Variants in HECTD4 observed in about 807,000 individuals in gnomAD.
HECTD4 encodes probable E3 ubiquitin-protein ligase HECTD4.
HECTD4 carries 114 observed loss-of-function variants against 471.5 expected under a neutral mutation model. The ratio of observed to expected loss-of-function variants is 0.24; its 90% confidence interval spans 0.21 to 0.28. The LOEUF is 0.28. Among genes scored for constraint, HECTD4 ranks in the 10% least tolerant of loss-of-function variants. The pLI is 1.00. For synonymous variants in HECTD4, 2,012 were observed against 2,256.0 expected, an observed-to-expected ratio of 0.89 and a Z score of 3.07; for missense variants, 3,866 against 5,651.5, an observed-to-expected ratio of 0.68 and a Z score of 10.13.
intron 35 of HECTD4, 114 bp downstream of exon 35, chr12:112,236,831 C>T: frequency 1.0e-6 from 1 of 998,540 alleles, no homozygotes; most frequent in Non-Finnish European, 1.4e-6. Flanking sequence ...AAGAGTGTGT[C>T]AAAATGGCCT....
intron 1 of HECTD4, among the ~76,000 whole-genome samples, chr12:112,359,512 C>T (rs750399792): frequency 1.2e-4 from 19 of 152,120 alleles, no homozygotes; most frequent in East Asian, 5.8e-4. Context: ...CTCTGCCTCC[C>T]GGATTCAAAT....
At chr12:112,196,984 C>T (rs1360302242) in intron 55 of HECTD4, among the ~76,000 whole-genome samples, 9 of 151,362 alleles carry the variant, frequency 5.9e-5, no homozygotes, top group East Asian at 1.9e-4. Context: ...TTAGTAGAGA[C>T]GGGGCCTTAC....
intron 69 of HECTD4, chr12:112,170,056 A>G (rs886502309): frequency 9.1e-6 from 5 of 549,264 alleles, no homozygotes; most frequent in Admixed American, 3.1e-5. Context: ...TGGAATCCCC[A>G]TTTTTGGCAG....
In HECTD4 at chr12:112,247,563, A is replaced by C. The variant is rs760916338; in HGVS notation, c.4249-13T>G. On this transcript the variant is annotated splice_polypyrimidine_tract_variant and intron_variant, in intron 27 of 75. Coordinates refer to ENST00000682272, the MANE Select transcript of HECTD4 (RefSeq NM_001388303.1). Reference sequence around the variant, plus strand: ...CTTTCATTTTGTTCTAAAGAAAAAAAAGATGGTATGCAGAATCTGCAAGAA... The same window carrying C: ...CTTTCATTTTGTTCTAAAGAAAAAACAGATGGTATGCAGAATCTGCAAGAA... 6 of 1,353,930 alleles carry C rather than the reference A, an allele frequency of 4.4e-6. No homozygotes were observed. Among genetic ancestry groups the C allele is most frequent in the South Asian group, 4.2e-5 (3 of 70,836 alleles). 83.9% of individuals were successfully genotyped at this position (1,353,930 alleles called of 1,614,324 possible).
At chr12:112,294,194 T>G (rs2034955904) in intron 7 of HECTD4, among the ~76,000 whole-genome samples, 1 of 152,230 alleles carries the variant, frequency 6.6e-6, no homozygotes, top group African/African-American at 2.4e-5. Context: ...GCTGCTGAAG[T>G]GAGCACTTAT....
chr12:112,379,174 C>T (rs2036842534), intron 1 of HECTD4, among the ~76,000 whole-genome samples: 1 of 152,152 alleles, frequency 6.6e-6, no homozygotes, highest in Non-Finnish European at 1.5e-5. Context: ...AATAAAAATA[C>T]TATACATGCA....
intron 55 of HECTD4, 78 bp from the exon 56 acceptor site, chr12:112,195,144 G>C (rs2032198152): frequency 7.9e-7 from 1 of 1,262,512 alleles, no homozygotes. Flanking sequence ...CGCAGGTTCT[G>C]AAGGAAAAGG....
intron 1 of HECTD4, among the ~76,000 whole-genome samples, chr12:112,355,769 C>CAATAAA (rs750283566): frequency 2.0e-5 from 3 of 151,732 alleles, no homozygotes; most frequent in Non-Finnish European, 2.9e-5. Context: ...CTCAAAAAAA[C>CAATAAA]AATAAAAATA....
chr12:112,167,884 C>T lies in HECTD4; in HGVS notation c.12242G>A (p.Cys4081Tyr), dbSNP rs942255989. Residue 4081 changes from cysteine (C) to tyrosine (Y), a missense_variant, in exon 71 of 76, where the codon TGT (cysteine) becomes TAT (tyrosine). This residue lies in a region of HECTD4 where 715 missense variants were observed against 1,087.6 expected (regional missense o/e 0.66). Coordinates refer to ENST00000682272, the MANE Select transcript of HECTD4 (RefSeq NM_001388303.1). Reference sequence around the variant, plus strand: ...CAGCGAGGAACTCTGCAGCTCCTTACACACCTGCCACAGGAAGTGGCGGAA... The same window carrying T: ...CAGCGAGGAACTCTGCAGCTCCTTATACACCTGCCACAGGAAGTGGCGGAA... ...GSFRHFLWQVCKELQSSSLSL... is the reference protein window; with the variant it reads ...GSFRHFLWQVYKELQSSSLSL... The T allele has an allele frequency of 6.2e-7, 1 of 1,613,388 alleles. No individual in the cohort carries two copies. The highest frequency in any genetic ancestry group is 1.3e-5 in the African/African-American group (1 of 74,948).
At chr12:112,282,499 C>T (rs893546422) in intron 8 of HECTD4, among the ~76,000 whole-genome samples, 4 of 152,062 alleles carry the variant, frequency 2.6e-5, no homozygotes, top group African/African-American at 9.7e-5. Context: ...ATAAATTTAT[C>T]TTTAATTATA....
In HECTD4 at chr12:112,237,150, A is replaced by G. The variant is rs892394217; in HGVS notation, c.5291-52T>C. ...AGATTGGTGAAAACTTAAGGGTGCC[A>G]TGGTGAGCCTGAGGGGGCGGCGAGC... On this transcript the variant is annotated intron_variant, in intron 34 of 75. Coordinates refer to ENST00000682272, the MANE Select transcript of HECTD4 (RefSeq NM_001388303.1). The G allele has an allele frequency of 1.8e-5, 27 of 1,494,322 alleles. No individual in the cohort carries two copies. The East Asian group carries it at 4.5e-4, about 25-fold the overall frequency. 92.6% of individuals were successfully genotyped at this position (1,494,322 alleles called of 1,614,324 possible). A position where few individuals can be genotyped will look rare whatever the true frequency, so the allele number is the denominator to read the frequency against.
At position 112,162,955 on chromosome 12, in the gene HECTD4, C is replaced by T; in HGVS notation, c.13120+87G>A. Reference sequence around the variant, plus strand: ...CGTGGGGCTCCTGTTCATTGTTCTCCCTTCACATGGGGCCTGGCAGCCCCA... The same window carrying T: ...CGTGGGGCTCCTGTTCATTGTTCTCTCTTCACATGGGGCCTGGCAGCCCCA... On this transcript the variant is annotated intron_variant, in intron 75 of 75. Coordinates refer to ENST00000682272, the MANE Select transcript of HECTD4 (RefSeq NM_001388303.1). The surrounding 1 kb of genome is among the most constrained non-coding windows in gnomAD (Gnocchi z 5.2). The T allele has an allele frequency of 1.8e-6, 2 of 1,086,054 alleles. No individual in the cohort carries two copies. Among genetic ancestry groups the T allele is most frequent in the South Asian group, 1.5e-5 (1 of 66,998 alleles). 67.3% of individuals were successfully genotyped at this position (1,086,054 alleles called of 1,614,324 possible).
intron 40 of HECTD4, among the ~76,000 whole-genome samples, chr12:112,230,475 C>T (rs1009750591): frequency 2.6e-5 from 4 of 152,160 alleles, no homozygotes; most frequent in Non-Finnish European, 4.4e-5. Context: ...ACTGTCCTAT[C>T]GTCTGCAAAA....
intron 1 of HECTD4, among the ~76,000 whole-genome samples, chr12:112,341,306 G>A (rs1180561226): frequency 6.6e-6 from 1 of 152,126 alleles, no homozygotes; most frequent in Admixed American, 6.5e-5. Flanking sequence ...GCACTCCCAG[G>A]TCAGCACTTC....
intron 5 of HECTD4, 49 bp from the exon 6 acceptor site, chr12:112,308,940 A>G (rs1594032102): frequency 1.3e-6 from 2 of 1,514,290 alleles, no homozygotes; most frequent in African/African-American, 2.8e-5. Context: ...TATGTCAGAA[A>G]CCCCACACAA....
chr12:112,182,232 G>A (rs958123699), intron 62 of HECTD4, among the ~76,000 whole-genome samples: 2 of 152,008 alleles, frequency 1.3e-5, no homozygotes, highest in African/African-American at 2.4e-5. Context: ...TTGGGAGGCC[G>A]AGGCTGGAGG....
Position 112,242,170 on chromosome 12 carries a change from T to C in HECTD4, c.4958+1183A>G, listed in dbSNP as rs376260862. ...TAACAGTTATGGAAATGTATAAAAA[T>C]ATAGGCAGAAGGAGGTTGTTAATGC... On this transcript the variant is annotated intron_variant, in intron 32 of 75. Transcript: ENST00000682272. Among the ~76,000 whole-genome samples the C allele has an allele frequency of 3.9e-5, 6 of 152,158 alleles. No homozygotes were observed. In the East Asian group the frequency reaches 5.8e-4, roughly 15 times the overall value.
intron 39 of HECTD4, chr12:112,231,197 G>A (rs2033369083): frequency 2.2e-6 from 1 of 462,192 alleles, no homozygotes; most frequent in Non-Finnish European, 3.9e-6. Flanking sequence ...TTGGGGCAGT[G>A]GAGATGTACC....
chr12:112,293,440 G>C (rs2034940409), intron 7 of HECTD4, among the ~76,000 whole-genome samples: 1 of 152,010 alleles, frequency 6.6e-6, no homozygotes, highest in Admixed American at 6.6e-5. Context: ...CACTCGGGAG[G>C]CTGAGGCAGG....
Sources: gnomAD v4.1 joint callset for allele counts (sites outside exome capture counted in the v4.1 genomes callset) on GRCh38, gnomAD v4.1.1 for gene constraint, gnomAD v4.1.1 regional missense constraint, Gnocchi (gnomAD v3.1) non-coding constraint, MANE v1.5 for transcripts, NCBI Gene and HGNC (gene_info 2026-07-23, HGNC 2026-07-21) for gene names.